Variants in PCDH11Y observed in about 807,000 individuals in gnomAD.
PCDH11Y encodes the protein protocadherin 11 Y-linked.
For missense variants in PCDH11Y, 12 were observed against 224.8 expected (o/e 0.05, Z 6.05); for synonymous variants, 9 against 83.6 (o/e 0.11, Z 4.87).
At chrY:5,454,477 G>A (rs2053295956) in intron 2 of PCDH11Y, among the ~76,000 whole-genome samples, 268 of 33,786 alleles carry the variant, frequency 7.9e-3, no homozygotes, top group African/African-American at 0.028. Flanking sequence ...GGACTCTGTG[G>A]GGGCTCCAAC....
downstream of PCDH11Y, among the ~76,000 whole-genome samples, chrY:5,108,579 C>G: frequency 6.7e-5 from 2 of 29,639 alleles, no homozygotes; most frequent in African/African-American, 1.3e-4. Context: ...AACCTCGTCT[C>G]TACTAAAAAT....
intron 2 of PCDH11Y, among the ~76,000 whole-genome samples, chrY:5,477,442 G>A (rs2053320540): frequency 3.1e-5 from 1 of 32,078 alleles, no homozygotes; most frequent in Non-Finnish European, 7.6e-5. Context: ...TCGCATGGAC[G>A]TTCATCAGGG....
At chrY:5,696,800 G>A in intron 4 of PCDH11Y, among the ~76,000 whole-genome samples, 1 of 32,711 alleles carries the variant, frequency 3.1e-5, no homozygotes, top group African/African-American at 1.2e-4. Flanking sequence ...CAGGGATTCT[G>A]GTACATTATC....
At chrY:5,251,873 G>C in intron 2 of PCDH11Y, among the ~76,000 whole-genome samples, 1 of 32,770 alleles carries the variant, frequency 3.1e-5, no homozygotes, top group Non-Finnish European at 7.6e-5. Flanking sequence ...TTATTGGCCT[G>C]TAAAAGAAAA....
intron 4 of PCDH11Y, among the ~76,000 whole-genome samples, chrY:5,654,456 A>G (rs2053534648): frequency 3.0e-5 from 1 of 33,433 alleles, no homozygotes; most frequent in Non-Finnish European, 7.4e-5. Flanking sequence ...CATTATTCAC[A>G]ATACAACGAC....
chrY:5,009,552 A>G, intron 1 of PCDH11Y, among the ~76,000 whole-genome samples: 5 of 33,902 alleles, frequency 1.5e-4, no homozygotes, highest in Non-Finnish European at 3.7e-4. Context: ...TTAAGTTTTA[A>G]ATATAATCTG....
intron 2 of PCDH11Y, among the ~76,000 whole-genome samples, chrY:5,238,508 C>A: frequency 6.0e-5 from 2 of 33,092 alleles, no homozygotes; most frequent in African/African-American, 1.2e-4. Context: ...AGGACATAGG[C>A]ATGGGCAAGG....
intron 2 of PCDH11Y, among the ~76,000 whole-genome samples, chrY:5,407,709 T>G (rs71201662): frequency 9.7e-5 from 3 of 30,946 alleles, no homozygotes; most frequent in African/African-American, 2.6e-4. Flanking sequence ...GTCAGGAAAT[T>G]GAGACCATTC....
intron 2 of PCDH11Y, among the ~76,000 whole-genome samples, chrY:5,418,132 A>G: frequency 3.2e-5 from 1 of 31,658 alleles, no homozygotes; most frequent in Non-Finnish European, 7.7e-5. Flanking sequence ...TGCCATTTAT[A>G]ACTGGTGCTC....
intron 1 of PCDH11Y, among the ~76,000 whole-genome samples, chrY:5,015,431 TAAAG>T (rs2052560031): frequency 3.0e-5 from 1 of 32,872 alleles, no homozygotes; most frequent in African/African-American, 1.2e-4. Context: ...AGATTTTTAA[TAAAG>T]GAAGGAAAAG....
At chrY:5,076,863 G>C in intron 1 of PCDH11Y, among the ~76,000 whole-genome samples, 1 of 33,236 alleles carries the variant, frequency 3.0e-5, no homozygotes, top group Non-Finnish European at 7.4e-5. Context: ...CTTCAGTTTT[G>C]TTCTTTTTGC....
chrY:5,503,306 A>T, intron 3 of PCDH11Y, among the ~76,000 whole-genome samples: 1 of 32,583 alleles, frequency 3.1e-5, no homozygotes, highest in African/African-American at 1.2e-4. Flanking sequence ...TTAGTTGCTC[A>T]ATCGATTTTA....
chrY:5,388,235 C>T (rs2053218093), intron 2 of PCDH11Y, among the ~76,000 whole-genome samples: 3 of 31,238 alleles, frequency 9.6e-5, no homozygotes, highest in African/African-American at 3.8e-4. Context: ...CTGGAGGTTT[C>T]CTTCTCCCTG....
intron 2 of PCDH11Y, among the ~76,000 whole-genome samples, chrY:5,455,360 C>A: frequency 6.0e-5 from 2 of 33,437 alleles, no homozygotes; most frequent in African/African-American, 2.3e-4. Flanking sequence ...AACTATTTAA[C>A]CAGTCTCTAA....
chrY:5,337,621 T>A, intron 2 of PCDH11Y: 1 of 127,757 alleles, frequency 7.8e-6, no homozygotes, highest in Non-Finnish European at 1.2e-5. Flanking sequence ...CCTCAAAAAG[T>A]GACATTTATT....
intron 2 of PCDH11Y, among the ~76,000 whole-genome samples, chrY:5,376,061 G>A: frequency 3.1e-5 from 1 of 32,563 alleles, no homozygotes; most frequent in Non-Finnish European, 7.6e-5. Context: ...AGTCTTTCAA[G>A]TATGAATTTA....
In PCDH11Y at chrY:5,267,297, C is replaced by T; in HGVS notation, c.3129+166590C>T. 1.2e-4 allele frequency among the ~76,000 whole-genome samples: 3 copies of T among 25,775 alleles called. No individual in the cohort carries two copies. The South Asian group carries it at 2.9e-3, about 25-fold the overall frequency. 69.2% of individuals were successfully genotyped at this position (25,775 alleles called of 37,273 possible). On this transcript the variant is annotated intron_variant, in intron 2 of 4. Coordinates refer to the PCDH11Y transcript ENST00000400457. ...CTCAGCTCATGCAACCTACACCTCC[C>T]GGGTTCAAGCGATTCTCTGCCTTGG... is the stretch of plus-strand genomic sequence containing the variant.
At chrY:5,247,094 G>T in intron 2 of PCDH11Y, among the ~76,000 whole-genome samples, 1 of 33,983 alleles carries the variant, frequency 2.9e-5, no homozygotes, top group Non-Finnish European at 7.4e-5. Flanking sequence ...CATAAAGCAA[G>T]TCCTTAGAGA....
At chrY:5,187,942 C>A in intron 2 of PCDH11Y, among the ~76,000 whole-genome samples, 1 of 33,527 alleles carries the variant, frequency 3.0e-5, no homozygotes, top group African/African-American at 1.2e-4. Flanking sequence ...TTTAACAGCA[C>A]CCAAATCACC....
Sources: gnomAD v4.1 joint callset for allele counts (sites outside exome capture counted in the v4.1 genomes callset) on GRCh38, gnomAD v4.1.1 for gene constraint, MANE v1.5 for transcripts, NCBI Gene and HGNC (gene_info 2026-07-23, HGNC 2026-07-21) for gene names.